Variants in NAALADL2 observed in about 807,000 individuals in gnomAD.
NAALADL2 encodes the protein N-acetylated alpha-linked acidic dipeptidase like 2.
NAALADL2 carries 76 observed loss-of-function variants against 87.2 expected under a neutral mutation model. The ratio of observed to expected loss-of-function variants is 0.87; its 90% CI spans 0.72 to 1.05. The LOEUF is 1.05. Ranked by LOEUF, NAALADL2 falls within the 50% of genes least tolerant of loss-of-function variation. The probability of loss-of-function intolerance (pLI) is 0.00; values close to 1 mark genes in which losing one functional copy is unlikely to be tolerated. For synonymous variants in NAALADL2, 354 were observed against 331.0 expected, an observed-to-expected ratio of 1.07 and a Z score of -0.75; for missense variants, 1,089 against 945.8, an observed-to-expected ratio of 1.15 and a Z score of -1.99.
Position 175,234,153 on chromosome 3 carries a change from C to T in NAALADL2, c.768C>T (p.Ser256=). The T allele has an allele frequency of 2.5e-6, 4 of 1,613,852 alleles. No homozygotes were observed. The highest frequency in any genetic ancestry group is 3.4e-6 in the Non-Finnish European group (4 of 1,179,794). Residue 256 remains serine (S), a synonymous_variant, in exon 3 of 14, where the codon AGC becomes AGT. Transcript: ENST00000454872. ...GTGAAGAAGCCAGAAAAGATAGCAG[C>T]CAAGACCTGCTCTATTCATATGCAG... ...PCSEEARKDS[S]QDLLYSYAAY... is the part of the protein sequence containing the mutation.
intron 1 of NAALADL2, among the ~76,000 whole-genome samples, chr3:174,943,493 G>C (rs1738929472): frequency 6.6e-6 from 1 of 152,176 alleles, no homozygotes; most frequent in Admixed American, 6.5e-5. Flanking sequence ...GTGAATCATG[G>C]CTTGGCACTT....
chr3:174,608,550 C>G (rs2108631607), intron 2 of NAALADL2, among the ~76,000 whole-genome samples: 1 of 151,986 alleles, frequency 6.6e-6, no homozygotes, highest in Non-Finnish European at 1.5e-5. Flanking sequence ...CGCAAATAAA[C>G]TAGAAAATCT....
Position 175,425,908 on chromosome 3 carries a change from G to A in NAALADL2, c.1091-21321G>A, listed in dbSNP as rs913801433. 9.9e-5 allele frequency among the ~76,000 whole-genome samples: 15 copies of A among 152,240 alleles called. No individual in the cohort carries two copies. In the East Asian group the frequency reaches 2.1e-3, roughly 22 times the overall value. On this transcript the variant is annotated intron_variant, in intron 5 of 13. Coordinates refer to ENST00000454872, the MANE Select transcript of NAALADL2 (RefSeq NM_207015.3). Reference sequence around the variant, plus strand: ...TCAGCTGAGGAAATAAGAGTTCTAGGTGGTGATAAATACTGAGAAAGATAT... The same window carrying A: ...TCAGCTGAGGAAATAAGAGTTCTAGATGGTGATAAATACTGAGAAAGATAT...
chr3:175,738,295 T>A (rs1388532620), intron 12 of NAALADL2, among the ~76,000 whole-genome samples: 1 of 152,122 alleles, frequency 6.6e-6, no homozygotes, highest in Non-Finnish European at 1.5e-5. Context: ...TTGCCCAGGC[T>A]GGAGTGCAGT....
chr3:174,915,845 C>T (rs7624199), intron 1 of NAALADL2, among the ~76,000 whole-genome samples: 51,728 of 151,856 alleles, frequency 0.34, 9,168 homozygotes, highest in African/African-American at 0.43. Context: ...ACTACAAAAG[C>T]AAATGCAACA....
chr3:175,612,095 C>T (rs1192613934), intron 10 of NAALADL2, among the ~76,000 whole-genome samples: 11 of 152,102 alleles, frequency 7.2e-5, no homozygotes, highest in Admixed American at 5.9e-4. Flanking sequence ...TAAAGACTTG[C>T]ATTTAGCCCT....
chr3:175,646,595 C>T (rs182315335), intron 11 of NAALADL2, among the ~76,000 whole-genome samples: 1 of 152,074 alleles, frequency 6.6e-6, no homozygotes, highest in Non-Finnish European at 1.5e-5. Context: ...TTAGCCTATT[C>T]CTCTATCCCT....
chr3:175,665,934 C>A (rs558205262), intron 11 of NAALADL2, among the ~76,000 whole-genome samples: 22 of 151,570 alleles, frequency 1.5e-4, no homozygotes, highest in South Asian at 1.2e-3. Context: ...TGTCCCCCCC[C>A]CAAAAAAAAG....
chr3:174,819,236 T>C (rs1436575220), intron 3 of NAALADL2, among the ~76,000 whole-genome samples: 1 of 151,602 alleles, frequency 6.6e-6, no homozygotes, highest in African/African-American at 2.4e-5. Context: ...AGCTAAATTT[T>C]GTATGTTTTG....
intron 3 of NAALADL2, among the ~76,000 whole-genome samples, chr3:174,789,199 G>A (rs1466339421): frequency 6.6e-6 from 1 of 152,146 alleles, no homozygotes; most frequent in East Asian, 1.9e-4. Context: ...AGGACTGGGA[G>A]AGAGCATAAC....
intron 3 of NAALADL2, among the ~76,000 whole-genome samples, chr3:175,242,157 G>A (rs1481973147): frequency 6.6e-6 from 1 of 152,014 alleles, no homozygotes; most frequent in Non-Finnish European, 1.5e-5. Flanking sequence ...ACCGCGCCCG[G>A]CCCTGGATGC....
At chr3:174,785,782 A>G (rs1284475055) in intron 3 of NAALADL2, among the ~76,000 whole-genome samples, 2 of 152,176 alleles carry the variant, frequency 1.3e-5, no homozygotes, top group African/African-American at 4.8e-5. Flanking sequence ...AAGTATTGAA[A>G]TTGAAACTAA....
intron 1 of NAALADL2, among the ~76,000 whole-genome samples, chr3:174,872,336 C>A (rs1252442249): frequency 6.6e-6 from 1 of 152,104 alleles, no homozygotes; most frequent in African/African-American, 2.4e-5. Flanking sequence ...ACAGAAGGCT[C>A]CTTGAGGTTA....
At chr3:175,310,818 A>G (rs1312730769) in intron 4 of NAALADL2, among the ~76,000 whole-genome samples, 1 of 152,110 alleles carries the variant, frequency 6.6e-6, no homozygotes, top group Non-Finnish European at 1.5e-5. Flanking sequence ...GTAAGTTGGT[A>G]AATCAGAAGC....
At chr3:174,588,185 C>T (rs751952414) in intron 2 of NAALADL2, among the ~76,000 whole-genome samples, 12 of 152,154 alleles carry the variant, frequency 7.9e-5, no homozygotes, top group East Asian at 1.9e-4. Context: ...CTTATGCATG[C>T]GTCACGTAGT....
chr3:175,304,081 T>G (rs1757409374), intron 4 of NAALADL2, among the ~76,000 whole-genome samples: 1 of 152,176 alleles, frequency 6.6e-6, no homozygotes, highest in South Asian at 2.1e-4. Context: ...ATGTTGATTT[T>G]CTTATTAACA....
At chr3:174,668,676 G>T (rs961147973) in intron 2 of NAALADL2, among the ~76,000 whole-genome samples, 59 of 152,246 alleles carry the variant, frequency 3.9e-4, no homozygotes, top group African/African-American at 1.3e-3. Flanking sequence ...GCAGTGTTTG[G>T]TTTTCTGTCC....
At chr3:174,486,002 A>T (rs1717835021) in intron 1 of NAALADL2, among the ~76,000 whole-genome samples, 1 of 152,020 alleles carries the variant, frequency 6.6e-6, no homozygotes. Flanking sequence ...GATTACTCAA[A>T]GACCTAAAAA....
At chr3:175,761,205 C>T (rs1747961990) in intron 13 of NAALADL2, among the ~76,000 whole-genome samples, 1 of 150,526 alleles carries the variant, frequency 6.6e-6, no homozygotes, top group Admixed American at 6.6e-5. Flanking sequence ...CTCTTGTGCC[C>T]CACCTATTCA....
Sources: gnomAD v4.1 joint callset for allele counts (sites outside exome capture counted in the v4.1 genomes callset) on GRCh38, gnomAD v4.1.1 for gene constraint, MANE v1.5 for transcripts, NCBI Gene and HGNC (gene_info 2026-07-23, HGNC 2026-07-21) for gene names.